Variants in GLIPR1L1 observed in about 807,000 individuals in gnomAD.
GLIPR1L1 encodes the protein GLIPR1 like 1.
Under a neutral mutation model 29.9 loss-of-function variants are expected in GLIPR1L1, and 26 were observed. That is an observed-to-expected ratio of 0.87 (90% CI 0.64 to 1.21). The LOEUF is 1.21. GLIPR1L1 is among the 50% of genes most tolerant of loss of function. The pLI, the probability that GLIPR1L1 is intolerant of heterozygous loss-of-function variation, is 0.00. For missense variants in GLIPR1L1, 305 were observed against 290.3 expected, an observed-to-expected ratio of 1.05 and a Z score of -0.37; for synonymous variants, 77 against 97.5, an observed-to-expected ratio of 0.79 and a Z score of 1.24.
At chr12:75,359,396 G>C (rs1351604128) in intron 3 of GLIPR1L1, among the ~76,000 whole-genome samples, 2 of 40,954 alleles carry the variant, frequency 4.9e-5, no homozygotes, top group African/African-American at 9.9e-5. Flanking sequence ...TTGCTGAATT[G>C]ATCTATGAAT....
chr12:75,335,897 C>T (rs1484809522), intron 1 of GLIPR1L1, among the ~76,000 whole-genome samples: 1 of 151,740 alleles, frequency 6.6e-6, no homozygotes, highest in Non-Finnish European at 1.5e-5. Flanking sequence ...ATGGTTGATG[C>T]CTTTAGAGTT....
chr12:75,335,371 T>A (rs73364071), intron 1 of GLIPR1L1, among the ~76,000 whole-genome samples: 26 of 152,132 alleles, frequency 1.7e-4, no homozygotes, highest in Non-Finnish European at 1.5e-5. Flanking sequence ...TTGAAAAAAA[T>A]ACAGTACTCT....
At chr12:75,369,601 T>C (rs183083221) in intron 4 of GLIPR1L1, 1 of 984,794 alleles carries the variant, frequency 1.0e-6, no homozygotes, top group African/African-American at 1.7e-5. Flanking sequence ...AGATTGTTAA[T>C]GAGTTCTGCA....
intron 3 of GLIPR1L1, among the ~76,000 whole-genome samples, chr12:75,358,971 A>G (rs75009372): frequency 1.4e-5 from 2 of 144,718 alleles, no homozygotes; most frequent in Non-Finnish European, 3.1e-5. Context: ...CTGCATAAAA[A>G]AGATAGAACA....
At chr12:75,359,357 C>CTTTTTTTTTTTT (rs61616225) in intron 3 of GLIPR1L1, among the ~76,000 whole-genome samples, 18 of 28,588 alleles carry the variant, frequency 6.3e-4, no homozygotes, top group Non-Finnish European at 7.9e-4. Flanking sequence ...GCATTGTTGT[C>CTTTTTTTTTTTT]TTTTTTTTTT....
intron 4 of GLIPR1L1, chr12:75,366,917 G>A (rs1429730317): frequency 1.4e-6 from 1 of 701,692 alleles, no homozygotes; most frequent in Admixed American, 2.0e-5. Context: ...GTCAAAAGGG[G>A]TTAACCACCC....
chr12:75,365,390 G>A (rs941997443), intron 4 of GLIPR1L1: 4 of 152,026 alleles, frequency 2.6e-5, no homozygotes, highest in Middle Eastern at 3.2e-3. Context: ...TTCCACTAGG[G>A]CACTAACTAA....
At chr12:75,339,409 GTGTC>G (rs2041953665) in intron 1 of GLIPR1L1, among the ~76,000 whole-genome samples, 1 of 152,184 alleles carries the variant, frequency 6.6e-6, no homozygotes, top group East Asian at 1.9e-4. Flanking sequence ...CTTTTGAGAA[GTGTC>G]TGTTCATGTC....
At chr12:75,339,163 T>C (rs1033532577) in intron 1 of GLIPR1L1, among the ~76,000 whole-genome samples, 1 of 152,198 alleles carries the variant, frequency 6.6e-6, no homozygotes, top group Non-Finnish European at 1.5e-5. Context: ...CTCTAGATCT[T>C]TGAGGAATTG....
chr12:75,369,353 C>G (rs2139689368), intron 4 of GLIPR1L1: 1 of 179,448 alleles, frequency 5.6e-6, no homozygotes. Context: ...AGATTTTTCT[C>G]TCCTCATTTT....
intron 2 of GLIPR1L1, 44 bp downstream of exon 2, chr12:75,343,982 AT>A: frequency 1.4e-6 from 2 of 1,472,376 alleles, no homozygotes; most frequent in Non-Finnish European, 1.8e-6. Flanking sequence ...ATTTGTGCAT[AT>A]TTTAATTGCC....
At chr12:75,337,248 G>A (rs2041798592) in intron 1 of GLIPR1L1, among the ~76,000 whole-genome samples, 2 of 151,448 alleles carry the variant, frequency 1.3e-5, no homozygotes, top group Admixed American at 1.3e-4. Flanking sequence ...AACTAAAGAT[G>A]ATCATAATTT....
At chr12:75,362,166 T>C (rs995325665) in intron 3 of GLIPR1L1, among the ~76,000 whole-genome samples, 2 of 152,086 alleles carry the variant, frequency 1.3e-5, no homozygotes, top group Non-Finnish European at 2.9e-5. Context: ...TAGGAAGAAC[T>C]CTCACAACTC....
intron 4 of GLIPR1L1, among the ~76,000 whole-genome samples, chr12:75,363,647 A>G (rs2043769978): frequency 1.3e-5 from 2 of 152,172 alleles, no homozygotes; most frequent in African/African-American, 4.8e-5. Flanking sequence ...GACTAAAAGT[A>G]TAAATTTTGG....
intron 3 of GLIPR1L1, among the ~76,000 whole-genome samples, chr12:75,355,770 A>T (rs1279641852): frequency 7.9e-5 from 12 of 152,260 alleles, no homozygotes. Context: ...AATGTGGTAC[A>T]TATACAACAT....
chr12:75,362,452 C>T (rs566019261), intron 3 of GLIPR1L1, among the ~76,000 whole-genome samples: 1 of 152,176 alleles, frequency 6.6e-6, no homozygotes, highest in East Asian at 1.9e-4. Flanking sequence ...TTCATAGCAA[C>T]CCTATTGGTA....
intron 1 of GLIPR1L1, among the ~76,000 whole-genome samples, chr12:75,336,818 A>G (rs2041767106): frequency 1.3e-5 from 2 of 151,986 alleles, no homozygotes; most frequent in East Asian, 3.9e-4. Context: ...ACTGCAAAAT[A>G]CAAATTTTTA....
intron 1 of GLIPR1L1, 145 bp downstream of exon 1, chr12:75,335,047 G>A: frequency 1.4e-6 from 1 of 716,778 alleles, no homozygotes; most frequent in South Asian, 2.0e-5. Flanking sequence ...CACCTTGGTT[G>A]GGCTGTCTCC....
At chr12:75,335,049 G>A (rs1439116537) in intron 1 of GLIPR1L1, 147 bp downstream of exon 1, 6 of 707,230 alleles carry the variant, frequency 8.5e-6, no homozygotes, top group African/African-American at 7.2e-5. Context: ...CCTTGGTTGG[G>A]CTGTCTCCTC....
Sources: gnomAD v4.1 joint callset for allele counts (sites outside exome capture counted in the v4.1 genomes callset) on GRCh38, gnomAD v4.1.1 for gene constraint, MANE v1.5 for transcripts, NCBI Gene and HGNC (gene_info 2026-07-23, HGNC 2026-07-21) for gene names.